The following NUP188 variants were observed in gnomAD, a reference collection of about 807,000 sequenced individuals.
NUP188 encodes nucleoporin NUP188.
NUP188 carries 97 observed loss-of-function variants against 223.0 expected under a neutral mutation model. That is an observed-to-expected ratio of 0.43 (90% CI 0.37 to 0.51). The LOEUF (loss-of-function observed/expected upper bound fraction) is 0.51, where lower values mean the gene tolerates loss of function less well. NUP188 is among the 20% of genes least tolerant of loss of function. The pLI is 0.00. For synonymous variants in NUP188, 869 were observed against 828.0 expected (o/e 1.05, Z -0.85); for missense variants, 1,947 against 2,175.6 (o/e 0.89, Z 2.09).
In NUP188 at chr9:129,001,636, C is replaced by T; in HGVS notation, c.3951C>T (p.Leu1317=). 6.2e-7 allele frequency: 1 copy of T among 1,614,082 alleles called. No individual in the cohort carries two copies. The highest frequency in any genetic ancestry group is 8.5e-7 in the Non-Finnish European group (1 of 1,179,988). ...TRRLPILPTL[L]TTLEVSLRMK... ...GGCTCCCCATCCTACCCACCCTCCT[C>T]ACCACTCTAGAGGTGAGCCTTCGCA... Residue 1317 remains leucine, a synonymous_variant, in exon 35 of 44, where the codon CTC becomes CTT. Coordinates refer to ENST00000372577, the MANE Select transcript of NUP188 (RefSeq NM_015354.3).
intron 8 of NUP188, among the ~76,000 whole-genome samples, chr9:128,968,273 T>TA (rs34435452): frequency 0.044 from 6,482 of 148,210 alleles, 430 homozygotes; most frequent in African/African-American, 0.15. Context: ...ATCTGTCTCT[T>TA]AAAAAAAAAA....
chr9:128,973,745 TA>T (rs1286304059), intron 12 of NUP188, among the ~76,000 whole-genome samples: 1 of 152,092 alleles, frequency 6.6e-6, no homozygotes, highest in Non-Finnish European at 1.5e-5. Context: ...GAAAATGCTG[TA>T]AAAAGAAAAA....
In NUP188 at chr9:128,947,717, A is replaced by G; in HGVS notation, c.-3A>G. The G allele has an allele frequency of 6.8e-7, 1 of 1,472,078 alleles. No homozygotes were observed. The highest frequency in any genetic ancestry group is 9.0e-7 in the Non-Finnish European group (1 of 1,114,186). The allele number at this position is 1,472,078 out of a possible 1,614,324, so 91.2% of individuals were successfully genotyped here. A position where few individuals can be genotyped will look rare whatever the true frequency, so the allele number is the denominator to read the frequency against. On this transcript the variant is annotated 5_prime_UTR_variant, in exon 1 of 44. Transcript: ENST00000372577. ...CGGGGTTAGGGCGAGCGGGCGCGCG[A>G]AGATGGCGGCGGCCGCCGGCGGGCC...
chr9:128,970,675 T>G, intron 10 of NUP188, 83 bp from the exon 11 acceptor site: 2 of 1,182,172 alleles, frequency 1.7e-6, no homozygotes, highest in East Asian at 4.8e-5. Flanking sequence ...TATGGCTTGC[T>G]TATTGAGCGT....
intron 11 of NUP188, among the ~76,000 whole-genome samples, chr9:128,971,646 C>T (rs1842106316): frequency 6.6e-6 from 1 of 152,152 alleles, no homozygotes; most frequent in South Asian, 2.1e-4. Context: ...TCTTGAACTC[C>T]TGACCTCGTG....
At chr9:128,956,206 TGTGTGC>T (rs1331630161) in intron 3 of NUP188, 138 bp from the exon 4 acceptor site, 1 of 463,712 alleles carries the variant, frequency 2.2e-6, no homozygotes, top group Non-Finnish European at 3.8e-6. Flanking sequence ...TGTGTGTGTG[TGTGTGC>T]GTGTGTGTGT....
At chr9:129,003,224 C>T (rs1842706700) in intron 37 of NUP188, 93 bp from the exon 38 acceptor site, 1 of 1,440,812 alleles carries the variant, frequency 6.9e-7, no homozygotes, top group Non-Finnish European at 9.4e-7. Context: ...CATTTGGGGG[C>T]CTGGGACGTT....
chr9:128,961,917 C>T (rs148977245), intron 8 of NUP188, among the ~76,000 whole-genome samples: 17 of 148,104 alleles, frequency 1.1e-4, no homozygotes, highest in African/African-American at 3.5e-4. Flanking sequence ...AGCCACCATG[C>T]CCGGCCTAGG....
chr9:128,982,123 A>G (rs1842263168), intron 15 of NUP188, among the ~76,000 whole-genome samples: 2 of 151,386 alleles, frequency 1.3e-5, no homozygotes, highest in South Asian at 4.2e-4. Flanking sequence ...TTTTTTGTGT[A>G]TTTTAGTTGA....
At chr9:128,986,959 C>T (rs2131170916) in intron 22 of NUP188, 84 bp downstream of exon 22, 1 of 1,250,848 alleles carries the variant, frequency 8.0e-7, no homozygotes, top group Non-Finnish European at 1.2e-6. Flanking sequence ...TCAGTTCTTC[C>T]AGAGAATTTA....
chr9:128,968,449 G>A (rs1428051408), intron 8 of NUP188, 57 bp from the exon 9 acceptor site: 2 of 1,349,266 alleles, frequency 1.5e-6, no homozygotes, highest in Non-Finnish European at 1.1e-6. Flanking sequence ...TGTTCTTTAA[G>A]TACTGTTTTT....
intron 28 of NUP188, 132 bp downstream of exon 28, chr9:128,994,574 CTT>C (rs998498374): frequency 5.1e-5 from 38 of 744,576 alleles, no homozygotes; most frequent in Middle Eastern, 3.9e-4. Flanking sequence ...CTAGAAACGT[CTT>C]TCTCAGGGAA....
Position 128,983,332 on chromosome 9 carries a change from T to C in NUP188, c.1836T>C (p.Ala612=). ...TVISPPVDVI[A]SCVNCLTVLA... ...TCTCCCCACCTGTGGATGTCATTGC[T>C]TCTTGTGTCAACTGCTTAACTGTTT... The change falls in exon 18 of 44, where the codon GCT becomes GCC. Residue 612 remains alanine, a synonymous_variant. Transcript: ENST00000372577. The C allele has an allele frequency of 6.2e-7, 1 of 1,614,204 alleles. No homozygotes were observed. The highest frequency in any genetic ancestry group is 8.5e-7 in the Non-Finnish European group (1 of 1,180,040).
Position 128,999,273 on chromosome 9 carries a change from T to C in NUP188, c.3617T>C (p.Val1206Ala), listed in dbSNP as rs1229512559. The change falls in exon 33 of 44, where the codon GTG (valine) becomes GCG (alanine). Residue 1206 changes from valine (V) to alanine (A), a missense_variant. This residue lies in a region of NUP188 where 905 missense variants were observed against 990.6 expected (regional missense o/e 0.91). Transcript: ENST00000372577. ...QQLMEKTKAK[V>A]FSAFITVLQM... ...CTCATGGAGAAGACCAAGGCCAAGG[T>C]GTTCTCAGCATTCATCACAGTGTTG... 1.2e-6 allele frequency: 2 copies of C among 1,614,068 alleles called. No homozygotes were observed. The highest frequency in any genetic ancestry group is 3.3e-5 in the Admixed American group (2 of 60,016).
At chr9:128,964,691 A>G (rs1842003423) in intron 8 of NUP188, among the ~76,000 whole-genome samples, 1 of 150,482 alleles carries the variant, frequency 6.6e-6, no homozygotes, top group African/African-American at 2.4e-5. Context: ...TCCAAGAGCC[A>G]ACATTTTAAT....
chr9:128,970,659 A>C (rs1057281127), intron 10 of NUP188, 99 bp from the exon 11 acceptor site: 51 of 981,722 alleles, frequency 5.2e-5, no homozygotes, highest in Non-Finnish European at 7.8e-5. Context: ...GAGTGAGGCC[A>C]CTCTTTATGG....
At chr9:128,964,335 C>A in intron 8 of NUP188, 1 of 331,250 alleles carries the variant, frequency 3.0e-6, no homozygotes. Flanking sequence ...TTTCTTCCAC[C>A]TAGTGGCTTG....
chr9:129,005,785 G>C lies in NUP188; in HGVS notation c.4869+9G>C. On this transcript the variant is annotated intron_variant, in intron 41 of 43. Coordinates refer to ENST00000372577, the MANE Select transcript of NUP188 (RefSeq NM_015354.3). ...TCAACATGCTTGGAGAGGTAAGTTGGTTCTGTCAGACACTGTCCTCTCCCC... is the reference window on the plus strand; with the variant it reads ...TCAACATGCTTGGAGAGGTAAGTTGCTTCTGTCAGACACTGTCCTCTCCCC... 1.2e-6 allele frequency: 2 copies of C among 1,603,556 alleles called. No homozygotes were observed. Among genetic ancestry groups the C allele is most frequent in the Non-Finnish European group, 1.7e-6 (2 of 1,174,950 alleles).
At chr9:128,991,907 CTTT>C (rs1204961303) in intron 25 of NUP188, among the ~76,000 whole-genome samples, 4 of 117,356 alleles carry the variant, frequency 3.4e-5, no homozygotes, top group Admixed American at 1.9e-4. Context: ...GTTTTTCTTT[CTTT>C]TTTTTTTTTT....
Sources: allele counts gnomAD v4.1 joint callset (sites outside exome capture counted in the v4.1 genomes callset), GRCh38; gene constraint gnomAD v4.1.1; regional missense constraint gnomAD v4.1.1; transcripts MANE v1.5; gene names NCBI Gene and HGNC (gene_info 2026-07-23, HGNC 2026-07-21).